The following MEI4 variants were observed in gnomAD, a reference collection of about 807,000 sequenced individuals.
The protein encoded by MEI4 is meiosis-specific protein MEI4.
Under a neutral mutation model 31.4 loss-of-function variants are expected in MEI4, and 27 were observed. The observed-to-expected ratio is 0.86, with a 90% confidence interval of 0.63 to 1.19. MEI4 has a LOEUF of 1.19. Among genes scored for constraint, MEI4 ranks in the 50% most tolerant of loss-of-function variants. MEI4 has a pLI of 0.00. For missense variants in MEI4, 329 were observed against 398.9 expected (o/e 0.82, Z 1.49); for synonymous variants, 122 against 145.4 (o/e 0.84, Z 1.16).
At chr6:77,849,505 C>A (rs1770564718) in intron 4 of MEI4, among the ~76,000 whole-genome samples, 1 of 152,112 alleles carries the variant, frequency 6.6e-6, no homozygotes, top group South Asian at 2.1e-4. Context: ...GCTAACACTT[C>A]CCTTGGAGAT....
intron 4 of MEI4, among the ~76,000 whole-genome samples, chr6:77,855,457 C>G (rs917213743): frequency 6.6e-6 from 1 of 152,120 alleles, no homozygotes; most frequent in Non-Finnish European, 1.5e-5. Flanking sequence ...GCTTATGGTT[C>G]GTAAGGCTGA....
chr6:77,774,490 G>A (rs1169612333), intron 3 of MEI4, among the ~76,000 whole-genome samples: 2 of 152,038 alleles, frequency 1.3e-5, no homozygotes, highest in Non-Finnish European at 2.9e-5. Flanking sequence ...GAGATAGAGA[G>A]TAAAATGATG....
chr6:77,731,735 T>G lies in MEI4; in HGVS notation c.233-29395T>G, dbSNP rs1031571479. ...ATGTCCTGAATAGTAATGCTTAGGT[T>G]TTCTTCTAGGGTTTTTATGGTTTTA... On this transcript the variant is annotated intron_variant, in intron 2 of 4. Coordinates refer to ENST00000684080, the MANE Select transcript of MEI4 (RefSeq NM_001322247.2). 5.5e-4 allele frequency among the ~76,000 whole-genome samples: 84 copies of G among 151,784 alleles called. 3 individuals are homozygous for G. The highest frequency in any genetic ancestry group is 2.0e-3 in the African/African-American group (81 of 41,252).
intron 3 of MEI4, among the ~76,000 whole-genome samples, chr6:77,790,261 G>T (rs1285300730): frequency 8.4e-6 from 1 of 119,546 alleles, no homozygotes; most frequent in African/African-American, 3.0e-5. Context: ...GTGGGGTGGG[G>T]GGAGGGGGGA....
intron 1 of MEI4, among the ~76,000 whole-genome samples, chr6:77,669,699 C>T (rs944257547): frequency 3.9e-5 from 6 of 152,310 alleles, no homozygotes; most frequent in African/African-American, 1.4e-4. Context: ...ATCGTAATAG[C>T]TAAACTTTGC....
chr6:77,702,924 T>C (rs193292700), intron 2 of MEI4, among the ~76,000 whole-genome samples: 3 of 152,320 alleles, frequency 2.0e-5, no homozygotes, highest in Admixed American at 1.3e-4. Flanking sequence ...CTTTCTTTTG[T>C]CATGCAGTTT....
intron 1 of MEI4, among the ~76,000 whole-genome samples, chr6:77,663,129 A>G (rs1411998491): frequency 9.2e-5 from 14 of 152,248 alleles, no homozygotes; most frequent in African/African-American, 3.1e-4. Context: ...AGGCAAAACA[A>G]TTTGGTTGAT....
At chr6:77,677,171 GTTTTAAAATATTTAAAACAACC>G (rs1768859956) in intron 1 of MEI4, among the ~76,000 whole-genome samples, 1 of 152,132 alleles carries the variant, frequency 6.6e-6, no homozygotes, top group African/African-American at 2.4e-5. Flanking sequence ...AAACAGAATT[GTTTTAAAATATTTAAAACAACC>G]TTTCCTACTG....
intron 1 of MEI4, among the ~76,000 whole-genome samples, chr6:77,686,986 T>C (rs1356429662): frequency 6.6e-6 from 1 of 150,770 alleles, no homozygotes; most frequent in South Asian, 2.1e-4. Context: ...AGCGAGTTGA[T>C]AGCAAATTAA....
intron 4 of MEI4, among the ~76,000 whole-genome samples, chr6:77,882,263 C>T (rs1294926206): frequency 2.0e-5 from 3 of 152,100 alleles, no homozygotes; most frequent in African/African-American, 7.2e-5. Flanking sequence ...GTTCACTAAC[C>T]GGATAACTAC....
upstream of MEI4, among the ~76,000 whole-genome samples, chr6:77,652,722 T>C (rs144414422): frequency 2.0e-3 from 306 of 152,316 alleles, no homozygotes; most frequent in Middle Eastern, 0.014. Context: ...AGCTGGCTTA[T>C]CTATCCATTC....
chr6:77,829,131 CTTCT>C lies in MEI4; in HGVS notation c.900+75_900+78del, dbSNP rs1216131753. On this transcript the variant is annotated intron_variant, in intron 4 of 4. Transcript: ENST00000684080. ...AACTATATGTTTTTCTTTCTTTTCC[CTTCT>C]TTCTTCTCTTCTTTCCAGGCTGATG... The C allele has an allele frequency of 1.2e-5, 13 of 1,100,800 alleles. No homozygotes were observed. The South Asian group carries it at 5.1e-4, about 44-fold the overall frequency. The allele number at this position is 1,100,800 out of a possible 1,614,324, so 68.2% of individuals were successfully genotyped here.
chr6:77,804,453 C>G (rs1308128058), intron 3 of MEI4, among the ~76,000 whole-genome samples: 1 of 152,110 alleles, frequency 6.6e-6, no homozygotes, highest in Non-Finnish European at 1.5e-5. Context: ...TGCGCTGCAC[C>G]CACTGTCCTG....
chr6:77,733,301 C>G (rs1481315318), intron 2 of MEI4, among the ~76,000 whole-genome samples: 3 of 152,052 alleles, frequency 2.0e-5, no homozygotes, highest in Admixed American at 6.5e-5. Context: ...GCCACAATTT[C>G]AGATCCTGTT....
chr6:77,791,561 T>G, intron 3 of MEI4, among the ~76,000 whole-genome samples: 2 of 145,534 alleles, frequency 1.4e-5, no homozygotes, highest in African/African-American at 2.5e-5. Context: ...GGGATAGCAT[T>G]GGGAGATATA....
chr6:77,685,597 GTCATATTCAAAGTA>G (rs1554209538), intron 1 of MEI4, among the ~76,000 whole-genome samples: 1 of 151,734 alleles, frequency 6.6e-6, no homozygotes, highest in Non-Finnish European at 1.5e-5. Flanking sequence ...CTGTCCTTCT[GTCATATTCAAAGTA>G]TCTTTGTCAA....
rs146192272 is a variant in MEI4 at position 77,732,453 on chromosome 6, G to T, written c.233-28677G>T. ...TTGTCTGTTCTTGGTGTATAAGAAT[G>T]CTTGTGATTTTTGCACATTGATCTT... is the stretch of plus-strand genomic sequence containing the variant. On this transcript the variant is annotated intron_variant, in intron 2 of 4. Coordinates refer to ENST00000684080, the MANE Select transcript of MEI4 (RefSeq NM_001322247.2). 1.4e-3 allele frequency among the ~76,000 whole-genome samples: 215 copies of T among 152,126 alleles called. 3 individuals are homozygous for T. Among genetic ancestry groups the T allele is most frequent in the African/African-American group, 4.6e-3 (189 of 41,422 alleles).
chr6:77,922,185 A>T (rs780651422), intron 4 of MEI4, among the ~76,000 whole-genome samples: 3 of 151,722 alleles, frequency 2.0e-5, no homozygotes, highest in Non-Finnish European at 2.9e-5. Context: ...ATGTTCTTTC[A>T]TTTTTGTATT....
At chr6:77,755,879 GACAA>G (rs1490661993) in intron 2 of MEI4, among the ~76,000 whole-genome samples, 3 of 148,174 alleles carry the variant, frequency 2.0e-5, no homozygotes, top group Admixed American at 6.7e-5. Flanking sequence ...TAAATCTAAT[GACAA>G]ACAGATAGGT....
Sources: gnomAD v4.1 joint callset for allele counts (sites outside exome capture counted in the v4.1 genomes callset) on GRCh38, gnomAD v4.1.1 for gene constraint, MANE v1.5 for transcripts, NCBI Gene and HGNC (gene_info 2026-07-23, HGNC 2026-07-21) for gene names.